The following TPD52 variants were observed in gnomAD, a reference collection of about 807,000 sequenced individuals.
TPD52 encodes the protein tumor protein D52, also known as prostate and colon associated protein.
Under a neutral mutation model 31.3 loss-of-function variants are expected in TPD52, and 17 were observed. The observed-to-expected ratio is 0.54, with a 90% CI of 0.37 to 0.82. The LOEUF (loss-of-function observed/expected upper bound fraction) is 0.82. TPD52 is among the 40% of genes least tolerant of loss of function. The pLI, the probability that TPD52 is intolerant of heterozygous loss-of-function variation, is 0.00. For synonymous variants in TPD52, 83 were observed against 89.6 expected (o/e 0.93, Z 0.42); for missense variants, 212 against 240.1 (o/e 0.88, Z 0.77).
chr8:80,125,137 G>A (rs1333492100), intron 1 of TPD52, among the ~76,000 whole-genome samples: 1 of 152,154 alleles, frequency 6.6e-6, no homozygotes, highest in Non-Finnish European at 1.5e-5. Flanking sequence ...GGGAGCCAAG[G>A]AGCAAGAGCA....
intron 1 of TPD52, among the ~76,000 whole-genome samples, chr8:80,088,069 T>G (rs879184220): frequency 2.0e-5 from 3 of 152,212 alleles, no homozygotes; most frequent in Non-Finnish European, 4.4e-5. Context: ...AACCTGTCTT[T>G]GGGCATAGAG....
chr8:80,154,442 C>T (rs1810788938), intron 1 of TPD52, among the ~76,000 whole-genome samples: 1 of 152,254 alleles, frequency 6.6e-6, no homozygotes, highest in East Asian at 1.9e-4. Flanking sequence ...GGGATGGCAC[C>T]GGATTTGAAT....
intron 1 of TPD52, among the ~76,000 whole-genome samples, chr8:80,169,988 T>C (rs1427030770): frequency 6.6e-6 from 1 of 152,240 alleles, no homozygotes. Flanking sequence ...AATATATATA[T>C]ACACATAGGT....
intron 5 of TPD52, among the ~76,000 whole-genome samples, chr8:80,047,885 C>T (rs948153459): frequency 6.6e-6 from 1 of 152,178 alleles, no homozygotes; most frequent in Non-Finnish European, 1.5e-5. Context: ...TTAATTAGCA[C>T]TTCCTCTTAA....
chr8:80,160,190 C>A (rs1193239581), intron 1 of TPD52, among the ~76,000 whole-genome samples: 1 of 148,442 alleles, frequency 6.7e-6, no homozygotes, highest in African/African-American at 2.5e-5. Context: ...GACCCCATCT[C>A]AAAAAAAAAA....
chr8:80,168,677 G>T (rs1222812280), intron 1 of TPD52, among the ~76,000 whole-genome samples: 1 of 152,206 alleles, frequency 6.6e-6, no homozygotes, highest in East Asian at 1.9e-4. Context: ...CACTCTACTA[G>T]TTCTAAGATC....
At chr8:80,145,454 C>T (rs1319080982) in intron 1 of TPD52, among the ~76,000 whole-genome samples, 1 of 152,132 alleles carries the variant, frequency 6.6e-6, no homozygotes, top group Non-Finnish European at 1.5e-5. Flanking sequence ...GAAGGAGCAG[C>T]CGAAATGCAA....
chr8:80,040,913 CT>C (rs2130373014), intron 7 of TPD52, among the ~76,000 whole-genome samples: 1 of 152,246 alleles, frequency 6.6e-6, no homozygotes, highest in Admixed American at 6.5e-5. Flanking sequence ...TGTTCTAAGC[CT>C]TTGAGAAGTA....
downstream of TPD52, chr8:80,032,644 C>G (rs943278821): frequency 6.6e-6 from 1 of 152,278 alleles, no homozygotes; most frequent in African/African-American, 2.4e-5. Flanking sequence ...AATGGTGACA[C>G]TGCCACATGC....
chr8:80,109,254 A>T (rs2130970503), intron 1 of TPD52, among the ~76,000 whole-genome samples: 1 of 152,312 alleles, frequency 6.6e-6, no homozygotes, highest in East Asian at 1.9e-4. Context: ...AGGTTTTTTT[A>T]AAAGTTCAAT....
chr8:80,104,552 C>T (rs1806966680), intron 1 of TPD52, among the ~76,000 whole-genome samples: 1 of 150,424 alleles, frequency 6.6e-6, no homozygotes, highest in African/African-American at 2.4e-5. Context: ...AGAGCAAGAC[C>T]CCATCTCTAT....
chr8:80,038,274 A>G (rs1425148283), intron 7 of TPD52, 39 bp from the exon 8 acceptor site: 1 of 1,606,520 alleles, frequency 6.2e-7, no homozygotes, highest in Admixed American at 1.7e-5. Flanking sequence ...ACATTATGAA[A>G]CATAAAACTA....
chr8:80,159,736 T>A (rs983679212), intron 1 of TPD52, among the ~76,000 whole-genome samples: 1 of 152,244 alleles, frequency 6.6e-6, no homozygotes. Context: ...ACCACAGTAG[T>A]TGTATTACTA....
chr8:80,056,551 A>G lies in TPD52; in HGVS notation c.136-3121T>C, dbSNP rs185277704. Among the ~76,000 whole-genome samples, 9 of 152,356 alleles carry G rather than the reference A, an allele frequency of 5.9e-5. No individual in the cohort carries two copies. The East Asian group carries it at 1.3e-3, about 23-fold the overall frequency. ...ATTAGAAAATGGGCAAAGGACTTAA[A>G]TAGACATTTCTCCCAAGATATACAA... On this transcript the variant is annotated intron_variant, in intron 2 of 7. Coordinates refer to ENST00000518937, the MANE Select transcript of TPD52 (RefSeq NM_001025253.3).
Position 80,064,525 on chromosome 8 carries a change from T to A in TPD52, c.88A>T (p.Thr30Ser). 6.2e-7 allele frequency: 1 copy of A among 1,614,156 alleles called. No individual in the cohort carries two copies. Among genetic ancestry groups the A allele is most frequent in the African/African-American group, 1.3e-5 (1 of 75,044 alleles). Reference protein sequence around the residue: ...DVAATISATETLSEEEQEELR... With the variant: ...DVAATISATESLSEEEQEELR... ...TCTTCCTGCTCCTCTTCCGAGAGGG[T>A]CTCTGTGGCACTGATCGTGGCAGCA... Residue 30 changes from threonine (T) to serine (S), a missense_variant, in exon 2 of 8, where the codon ACC becomes TCC. Coordinates refer to ENST00000518937, the MANE Select transcript of TPD52 (RefSeq NM_001025253.3).
At chr8:80,086,877 C>CAAAAAAAAAAAAAAAAAA (rs58864911) in intron 1 of TPD52, among the ~76,000 whole-genome samples, 1 of 76,564 alleles carries the variant, frequency 1.3e-5, no homozygotes. Flanking sequence ...GCTGTCTCAA[C>CAAAAAAAAAAAAAAAAAA]AAAAAAAAAA....
At chr8:80,049,266 G>A (rs775352858) in intron 5 of TPD52, among the ~76,000 whole-genome samples, 6 of 152,090 alleles carry the variant, frequency 3.9e-5, no homozygotes, top group African/African-American at 7.2e-5. Context: ...AAAGCCATGC[G>A]TTCTTTATGG....
chr8:80,129,408 T>A (rs1342612894), intron 1 of TPD52, among the ~76,000 whole-genome samples: 1 of 152,176 alleles, frequency 6.6e-6, no homozygotes, highest in African/African-American at 2.4e-5. Context: ...AAAATTCCCA[T>A]ACAAGCATTA....
intron 1 of TPD52, chr8:80,080,266 G>A (rs926900794): frequency 4.5e-6 from 7 of 1,572,000 alleles, no homozygotes; most frequent in East Asian, 2.2e-5. Context: ...CCCAAGTTAT[G>A]TCTAGGTTTT....
Sources: gnomAD v4.1 joint callset for allele counts (sites outside exome capture counted in the v4.1 genomes callset) on GRCh38, gnomAD v4.1.1 for gene constraint, MANE v1.5 for transcripts, NCBI Gene and HGNC (gene_info 2026-07-23, HGNC 2026-07-21) for gene names.